SPATA17: variants seen among roughly 807,000 people sequenced by gnomAD.
SPATA17 encodes the protein spermatogenesis-associated protein 17.
SPATA17 carries 53 observed loss-of-function variants against 62.2 expected under a neutral mutation model. The observed-to-expected ratio is 0.85, with a 90% confidence interval of 0.68 to 1.07. The LOEUF (loss-of-function observed/expected upper bound fraction) is 1.07. Among genes scored for constraint, SPATA17 ranks in the 50% least tolerant of loss-of-function variants. The pLI is 0.00. For missense variants in SPATA17, 466 were observed against 425.5 expected, an observed-to-expected ratio of 1.10 and a Z score of -0.84; for synonymous variants, 146 against 146.8, an observed-to-expected ratio of 0.99 and a Z score of 0.04.
intron 7 of SPATA17, among the ~76,000 whole-genome samples, chr1:217,779,853 G>T (rs61825813): frequency 0.031 from 4,766 of 151,916 alleles, 108 homozygotes; most frequent in Middle Eastern, 0.058. Context: ...TTTTAATAAT[G>T]GCTTAAACAT....
At chr1:217,839,184 C>A (rs923415634) in intron 9 of SPATA17, among the ~76,000 whole-genome samples, 8 of 152,028 alleles carry the variant, frequency 5.3e-5, no homozygotes, top group African/African-American at 1.9e-4. Context: ...GACAGAGTGA[C>A]AATCACAGCA....
chr1:217,793,916 C>T (rs974421716), intron 8 of SPATA17, among the ~76,000 whole-genome samples: 1 of 151,954 alleles, frequency 6.6e-6, no homozygotes, highest in Non-Finnish European at 1.5e-5. Context: ...GAGATCGAGA[C>T]CATCCTGGCT....
intron 8 of SPATA17, among the ~76,000 whole-genome samples, chr1:217,784,368 G>A (rs1571803829): frequency 6.6e-6 from 1 of 151,984 alleles, no homozygotes; most frequent in African/African-American, 2.4e-5. Context: ...CTAATGTTAA[G>A]GACTCAAAGG....
rs143380950 is a variant in SPATA17 at position 217,657,894 on chromosome 1, C to T, written c.240+6716C>T. Among the ~76,000 whole-genome samples the T allele has an allele frequency of 3.9e-5, 6 of 152,240 alleles. No individual in the cohort carries two copies. The East Asian group carries it at 1.2e-3, about 29-fold the overall frequency. ...TCACAGTTCCACATGGTTGGAGAGG[C>T]CTCACAATCATGGCGGAAGGTGAAA... On this transcript the variant is annotated intron_variant, in intron 3 of 10. Coordinates refer to ENST00000366933, the MANE Select transcript of SPATA17 (RefSeq NM_138796.4).
At chr1:217,699,793 C>T (rs189317057) in intron 5 of SPATA17, among the ~76,000 whole-genome samples, 5 of 152,118 alleles carry the variant, frequency 3.3e-5, no homozygotes, top group Admixed American at 2.0e-4. Flanking sequence ...TCCCTAGATC[C>T]CAAAGATTTT....
chr1:217,653,593 A>G (rs1344267372), intron 3 of SPATA17, among the ~76,000 whole-genome samples: 3 of 146,932 alleles, frequency 2.0e-5, no homozygotes, highest in African/African-American at 8.2e-5. Context: ...CTGGAAACAA[A>G]TGAGTGTGGT....
At chr1:217,683,783 T>C (rs891893784) in intron 5 of SPATA17, among the ~76,000 whole-genome samples, 9 of 152,012 alleles carry the variant, frequency 5.9e-5, no homozygotes, top group African/African-American at 2.2e-4. Flanking sequence ...CAGACATTTA[T>C]TGATAAAAAA....
chr1:217,866,566 T>A (rs1284897472), intron 10 of SPATA17: 1 of 152,420 alleles, frequency 6.6e-6, no homozygotes, highest in African/African-American at 2.4e-5. Flanking sequence ...GTTCAAGTGA[T>A]CCTCCTGCCT....
intron 5 of SPATA17, among the ~76,000 whole-genome samples, chr1:217,715,665 C>G (rs1316619129): frequency 1.4e-5 from 2 of 142,466 alleles, no homozygotes; most frequent in African/African-American, 5.1e-5. Context: ...CTTAGCTTGT[C>G]ATGCAAAAAA....
chr1:217,752,981 A>T (rs1371122206), intron 6 of SPATA17, among the ~76,000 whole-genome samples: 11 of 152,228 alleles, frequency 7.2e-5, no homozygotes, highest in South Asian at 4.1e-4. Flanking sequence ...AACTAAACCT[A>T]GATTAAACAT....
intron 5 of SPATA17, among the ~76,000 whole-genome samples, chr1:217,730,966 A>T (rs1341498661): frequency 6.6e-6 from 1 of 152,094 alleles, no homozygotes; most frequent in Non-Finnish European, 1.5e-5. Flanking sequence ...TTAGTGCTAA[A>T]AGTCATTTAT....
chr1:217,727,710 G>A (rs1672300706), intron 5 of SPATA17, among the ~76,000 whole-genome samples: 1 of 152,020 alleles, frequency 6.6e-6, no homozygotes, highest in Admixed American at 6.6e-5. Context: ...GTAATATTCT[G>A]GCATTATCTA....
In SPATA17 at chr1:217,868,209, TA is replaced by T. The variant is rs1346694119; in HGVS notation, c.*1191del. On this transcript the variant is annotated 3_prime_UTR_variant, in exon 11 of 11. Transcript: ENST00000366933. ...GTATAAAAGAATTATTGGTTTTTTT[TA>T]GGTGTCATGGTATTGTTTTGGTTTA... is the stretch of plus-strand genomic sequence containing the variant. 1 of 152,206 alleles carries T rather than the reference TA, an allele frequency of 6.6e-6. No homozygotes were observed. The highest frequency in any genetic ancestry group is 2.4e-5 in the African/African-American group (1 of 41,460). 9.4% of individuals were successfully genotyped at this position (152,206 alleles called of 1,614,324 possible).
At chr1:217,662,269 G>C (rs1670588284) in intron 3 of SPATA17, among the ~76,000 whole-genome samples, 1 of 152,046 alleles carries the variant, frequency 6.6e-6, no homozygotes, top group Non-Finnish European at 1.5e-5. Flanking sequence ...TAATTAGTTT[G>C]ATATGAGGTG....
At chr1:217,727,977 A>G (rs1672308432) in intron 5 of SPATA17, among the ~76,000 whole-genome samples, 1 of 152,184 alleles carries the variant, frequency 6.6e-6, no homozygotes, top group Non-Finnish European at 1.5e-5. Context: ...AGTTGCCTGG[A>G]GTACATTTTA....
chr1:217,666,530 T>C (rs1311104313), intron 3 of SPATA17, among the ~76,000 whole-genome samples: 1 of 152,098 alleles, frequency 6.6e-6, no homozygotes. Flanking sequence ...ACATGTGTTT[T>C]TTTTTTTAGT....
intron 5 of SPATA17, among the ~76,000 whole-genome samples, chr1:217,700,293 A>G (rs761728201): frequency 1.3e-5 from 2 of 152,204 alleles, no homozygotes; most frequent in Non-Finnish European, 2.9e-5. Flanking sequence ...ATATTCACTT[A>G]TTGATATTGT....
At chr1:217,686,560 A>T (rs954478484) in intron 5 of SPATA17, among the ~76,000 whole-genome samples, 1 of 152,104 alleles carries the variant, frequency 6.6e-6, no homozygotes, top group African/African-American at 2.4e-5. Flanking sequence ...TTTGTTTCCT[A>T]ATTAAATGTT....
intron 1 of SPATA17, among the ~76,000 whole-genome samples, chr1:217,644,780 A>G (rs985013096): frequency 6.6e-6 from 1 of 152,062 alleles, no homozygotes; most frequent in African/African-American, 2.4e-5. Flanking sequence ...ATGTTTTATT[A>G]CATTACTGGT....
Sources: gnomAD v4.1 joint callset for allele counts (sites outside exome capture counted in the v4.1 genomes callset) on GRCh38, gnomAD v4.1.1 for gene constraint, MANE v1.5 for transcripts, NCBI Gene and HGNC (gene_info 2026-07-23, HGNC 2026-07-21) for gene names.